The following DIAPH3 variants were observed in gnomAD, a reference collection of about 807,000 sequenced individuals.
The protein encoded by DIAPH3 is diaphanous related formin 3.
DIAPH3 carries 117 observed loss-of-function variants against 144.3 expected under a neutral mutation model. That is an observed-to-expected ratio of 0.81 (90% confidence interval 0.70 to 0.95). The LOEUF (loss-of-function observed/expected upper bound fraction) is 0.95. Among genes scored for constraint, DIAPH3 ranks in the 40% least tolerant of loss-of-function variants. The pLI, the probability that DIAPH3 is intolerant of heterozygous loss-of-function variation, is 0.00. For missense variants in DIAPH3, 1,421 were observed against 1,412.7 expected (o/e 1.01, Z -0.09); for synonymous variants, 519 against 488.9 (o/e 1.06, Z -0.81).
intron 20 of DIAPH3, among the ~76,000 whole-genome samples, chr13:59,900,040 T>C (rs1292599608): frequency 6.6e-6 from 1 of 152,188 alleles, no homozygotes; most frequent in Non-Finnish European, 1.5e-5. Context: ...ATAAGAGAAT[T>C]CATTCAGAGC....
At chr13:60,130,588 C>T (rs978009602) in intron 2 of DIAPH3, among the ~76,000 whole-genome samples, 1 of 152,182 alleles carries the variant, frequency 6.6e-6, no homozygotes, top group African/African-American at 2.4e-5. Context: ...AGCGCCAAGC[C>T]AGGCTGAGAT....
intron 24 of DIAPH3, among the ~76,000 whole-genome samples, chr13:59,828,728 TGTTTTG>T (rs2041604102): frequency 6.6e-6 from 1 of 151,678 alleles, no homozygotes; most frequent in Non-Finnish European, 1.5e-5. Context: ...CCATGACAGT[TGTTTTG>T]GTTTTGTTCT....
intron 27 of DIAPH3, among the ~76,000 whole-genome samples, chr13:59,758,781 T>C (rs909545996): frequency 3.1e-4 from 44 of 142,008 alleles, no homozygotes; most frequent in South Asian, 8.7e-4. Flanking sequence ...TTCTCTCTCT[T>C]TTTTTTTTTT....
intron 17 of DIAPH3, among the ~76,000 whole-genome samples, chr13:59,948,639 G>A (rs1295098540): frequency 1.3e-5 from 2 of 151,894 alleles, no homozygotes; most frequent in Non-Finnish European, 2.9e-5. Context: ...ATATATGTTG[G>A]GTGTTTGTTT....
At chr13:59,780,181 C>T (rs1038105162) in intron 25 of DIAPH3, among the ~76,000 whole-genome samples, 10 of 151,808 alleles carry the variant, frequency 6.6e-5, no homozygotes, top group Non-Finnish European at 1.5e-4. Flanking sequence ...AAGGTAAACA[C>T]AAAAGCATTT....
rs572290727 is a variant in DIAPH3, at chr13:59,931,561, G to A, written c.2075-6691C>T. Among the ~76,000 whole-genome samples the A allele has an allele frequency of 4.8e-4, 73 of 152,284 alleles. 1 individual carries two copies. The highest frequency in any genetic ancestry group is 1.7e-3 in the African/African-American group (71 of 41,564). On this transcript the variant is annotated intron_variant, in intron 17 of 27. Coordinates refer to ENST00000400324, the MANE Select transcript of DIAPH3 (RefSeq NM_001042517.2). ...TTAGAAGATAAGATCCTTAGAGGCA[G>A]AAACTTTGATTGTCACTATATTCTT...
intron 21 of DIAPH3, among the ~76,000 whole-genome samples, chr13:59,878,163 G>A (rs1245877421): frequency 6.6e-6 from 1 of 152,140 alleles, no homozygotes; most frequent in Non-Finnish European, 1.5e-5. Flanking sequence ...TTCACTCTGA[G>A]TAAGCCCACG....
intron 9 of DIAPH3, among the ~76,000 whole-genome samples, chr13:59,996,308 A>G (rs930061160): frequency 1.3e-5 from 2 of 152,074 alleles, no homozygotes; most frequent in African/African-American, 2.4e-5. Context: ...CTGCTCCTTT[A>G]TCTTTGTTTT....
At chr13:59,686,256 T>C (rs2033204203) in intron 27 of DIAPH3, among the ~76,000 whole-genome samples, 1 of 152,024 alleles carries the variant, frequency 6.6e-6, no homozygotes, top group Admixed American at 6.6e-5. Flanking sequence ...ACCGGAAGAA[T>C]TCTAACTTCA....
intron 27 of DIAPH3, among the ~76,000 whole-genome samples, chr13:59,700,868 T>C (rs991552581): frequency 6.6e-6 from 1 of 152,214 alleles, no homozygotes; most frequent in African/African-American, 2.4e-5. Flanking sequence ...CTTCTGGCAT[T>C]CGGTAATTTA....
At chr13:59,894,319 G>A (rs1472624296) in intron 20 of DIAPH3, among the ~76,000 whole-genome samples, 2 of 152,048 alleles carry the variant, frequency 1.3e-5, no homozygotes, top group African/African-American at 2.4e-5. Context: ...AATAAAGGAT[G>A]AGGCTATAAT....
intron 1 of DIAPH3, among the ~76,000 whole-genome samples, chr13:60,142,508 A>G (rs1245850901): frequency 6.6e-6 from 1 of 152,202 alleles, no homozygotes; most frequent in Non-Finnish European, 1.5e-5. Context: ...CAATTTAAAC[A>G]TAACTCTGAG....
chr13:59,918,318 A>G (rs1173387384), intron 18 of DIAPH3, among the ~76,000 whole-genome samples: 1 of 152,018 alleles, frequency 6.6e-6, no homozygotes, highest in African/African-American at 2.4e-5. Flanking sequence ...CCAGTATAAA[A>G]TGCTCATGGA....
intron 27 of DIAPH3, among the ~76,000 whole-genome samples, chr13:59,751,601 G>C (rs1208223093): frequency 6.6e-6 from 1 of 152,096 alleles, no homozygotes; most frequent in East Asian, 1.9e-4. Flanking sequence ...CATTACACCT[G>C]GATATTCAAT....
chr13:59,668,330 C>A (rs1282598027), intron 27 of DIAPH3, among the ~76,000 whole-genome samples: 1 of 152,170 alleles, frequency 6.6e-6, no homozygotes, highest in Non-Finnish European at 1.5e-5. Flanking sequence ...AGAATGTTGG[C>A]CAGCTTACTG....
intron 1 of DIAPH3, among the ~76,000 whole-genome samples, chr13:60,150,920 G>A (rs1951749474): frequency 6.6e-6 from 1 of 152,262 alleles, no homozygotes; most frequent in African/African-American, 2.4e-5. Context: ...TGGAGCAAAT[G>A]TTGACAGCAG....
rs576567677 is a variant in DIAPH3, at chr13:59,873,822, C to T, written c.2607+5407G>A. Reference sequence around the variant, plus strand: ...GAGTAGCTGGGATTACAGGCGCCTGCCACTATGCCCAGATAAGTTTTGTAG... The same window carrying T: ...GAGTAGCTGGGATTACAGGCGCCTGTCACTATGCCCAGATAAGTTTTGTAG... On this transcript the variant is annotated intron_variant, in intron 21 of 27. Transcript: ENST00000400324. Among the ~76,000 whole-genome samples, 4 of 151,972 alleles carry T rather than the reference C, an allele frequency of 2.6e-5. No homozygotes were observed. In the East Asian group the frequency reaches 7.8e-4, roughly 29 times the overall value.
intron 4 of DIAPH3, among the ~76,000 whole-genome samples, chr13:60,056,666 G>A (rs752600995): frequency 3.3e-5 from 5 of 151,784 alleles, no homozygotes; most frequent in Non-Finnish European, 7.4e-5. Flanking sequence ...GTGTAGAATA[G>A]TACCAGATGA....
At position 59,974,358 on chromosome 13, in the gene DIAPH3, C is replaced by A; in HGVS notation, c.1644G>T (p.Lys548Asn). 6.2e-7 allele frequency: 1 copy of A among 1,612,146 alleles called. No homozygotes were observed. Among genetic ancestry groups the A allele is most frequent in the Non-Finnish European group, 8.5e-7 (1 of 1,179,308 alleles). The change falls in exon 15 of 28, where the codon AAG (lysine) becomes AAT (asparagine). Residue 548 changes from lysine (K) to asparagine (N), a missense_variant. Physicochemically the swap from Lys to Asn is moderately conservative, Grantham distance 94. Transcript: ENST00000400324. ...ACTCAGAGTGGAATTTTACCTGAGACTTAAAAGCTTGTAGCTCTGCTTGAA... is the reference window on the plus strand; with the variant it reads ...ACTCAGAGTGGAATTTTACCTGAGAATTAAAAGCTTGTAGCTCTGCTTGAA... ...NELQAELQAFKSQFGALPADC... is the reference protein window; with the variant it reads ...NELQAELQAFNSQFGALPADC...
Sources: gnomAD v4.1 joint callset for allele counts (sites outside exome capture counted in the v4.1 genomes callset) on GRCh38, gnomAD v4.1.1 for gene constraint, MANE v1.5 for transcripts, NCBI Gene and HGNC (gene_info 2026-07-23, HGNC 2026-07-21) for gene names.